Variants in ZNF69 observed in about 807,000 individuals in gnomAD.
ZNF69 encodes the protein ZNF3.
Under a neutral mutation model 50.9 loss-of-function variants are expected in ZNF69, and 47 were observed. The ratio of observed to expected loss-of-function variants is 0.92; its 90% CI spans 0.73 to 1.18. The LOEUF (loss-of-function observed/expected upper bound fraction) is 1.18. Ranked by LOEUF, ZNF69 falls within the 50% of genes most tolerant of loss-of-function variation. The pLI is 0.00. For missense variants in ZNF69, 717 were observed against 675.1 expected (o/e 1.06, Z -0.69); for synonymous variants, 216 against 223.1 (o/e 0.97, Z 0.29).
Position 11,899,424 on chromosome 19 carries a change from G to A in ZNF69, c.64-4149G>A, listed in dbSNP as rs551801758. 5.7e-4 allele frequency among the ~76,000 whole-genome samples: 86 copies of A among 152,040 alleles called. 1 individual carries two copies. Among genetic ancestry groups the A allele is most frequent in the Admixed American group, 2.0e-3 (31 of 15,252 alleles). On this transcript the variant is annotated intron_variant, in intron 1 of 3. Coordinates refer to ENST00000429654, the MANE Select transcript of ZNF69 (RefSeq NM_001364730.1). ...ATTCCACTTGTGAGCCACCATGTCCGGCCACTCATTTTCTTTCATTACTGA... is the reference window on the plus strand; with the variant it reads ...ATTCCACTTGTGAGCCACCATGTCCAGCCACTCATTTTCTTTCATTACTGA...
the ZNF69 span, among the ~76,000 whole-genome samples, chr19:11,923,002 T>C: frequency 1.1e-4 from 16 of 152,040 alleles, no homozygotes; most frequent in Non-Finnish European, 2.1e-4. Flanking sequence ...TTTATGGAGA[T>C]GGGAGTGTCT....
chr19:11,915,848 G>A (rs1972517155), downstream of ZNF69, among the ~76,000 whole-genome samples: 1 of 152,196 alleles, frequency 6.6e-6, no homozygotes, highest in African/African-American at 2.4e-5. Context: ...AGGTTGCAGT[G>A]TGCTGAGATC....
chr19:11,930,497 C>T, the ZNF69 span, among the ~76,000 whole-genome samples: 1 of 148,420 alleles, frequency 6.7e-6, no homozygotes, highest in East Asian at 1.9e-4. Context: ...AATCTATAAT[C>T]AAAATGCATG....
At chr19:11,980,172 G>T in the ZNF69 span, 2 of 618,134 alleles carry the variant, frequency 3.2e-6, no homozygotes, top group Non-Finnish European at 5.5e-6. Flanking sequence ...CTGAGGTCAG[G>T]AGTTCAAGAC....
At chr19:11,979,791 C>A in the ZNF69 span, 120 of 1,577,496 alleles carry the variant, frequency 7.6e-5, no homozygotes, top group African/African-American at 1.1e-3. Context: ...GGAGAGAAAC[C>A]CTATGAGTGT....
chr19:11,937,230 G>C, the ZNF69 span, among the ~76,000 whole-genome samples: 6 of 152,120 alleles, frequency 3.9e-5, no homozygotes, highest in African/African-American at 1.4e-4. Context: ...TTAAGTAAAT[G>C]ATTCATTAGG....
chr19:11,888,788 T>C (rs929269541), intron 1 of ZNF69, among the ~76,000 whole-genome samples: 6 of 151,930 alleles, frequency 3.9e-5, no homozygotes, highest in African/African-American at 1.2e-4. Context: ...GCCAACATGG[T>C]GAAACCCCGT....
chr19:11,945,167 C>T, the ZNF69 span, among the ~76,000 whole-genome samples: 1 of 152,166 alleles, frequency 6.6e-6, no homozygotes, highest in African/African-American at 2.4e-5. Flanking sequence ...ATAAGTTTTT[C>T]CTTTAACTCA....
At chr19:11,918,154 T>C (rs953530351), downstream of ZNF69, among the ~76,000 whole-genome samples, 2 of 152,216 alleles carry the variant, frequency 1.3e-5, no homozygotes, top group Admixed American at 6.6e-5. Flanking sequence ...CACAAAGTTT[T>C]ACACATTGGG....
At chr19:11,941,359 G>A in the ZNF69 span, among the ~76,000 whole-genome samples, 8 of 152,238 alleles carry the variant, frequency 5.3e-5, no homozygotes, top group South Asian at 2.1e-4. Flanking sequence ...GGCGCTCATC[G>A]GGGAGGCTCG....
the ZNF69 span, among the ~76,000 whole-genome samples, chr19:11,951,242 T>G: frequency 3.3e-5 from 5 of 150,994 alleles, no homozygotes; most frequent in Non-Finnish European, 7.4e-5. Context: ...TTTTGTTTTT[T>G]TTTTTTCTGA....
the ZNF69 span, among the ~76,000 whole-genome samples, chr19:11,942,261 C>T: frequency 6.6e-6 from 1 of 151,418 alleles, no homozygotes; most frequent in Non-Finnish European, 1.5e-5. Context: ...TCTTGGCTAG[C>T]TATCTGCCTT....
chr19:11,936,398 T>C, the ZNF69 span, among the ~76,000 whole-genome samples: 1 of 152,224 alleles, frequency 6.6e-6, no homozygotes, highest in Non-Finnish European at 1.5e-5. Context: ...CGTGAGATGG[T>C]ATCTCATTGT....
intron 1 of ZNF69, among the ~76,000 whole-genome samples, 187 bp from the exon 2 acceptor site, chr19:11,903,386 C>T (rs1972288389): frequency 6.6e-6 from 1 of 152,142 alleles, no homozygotes; most frequent in African/African-American, 2.4e-5. Flanking sequence ...CCAGCCTGGG[C>T]AATAAGAGTG....
chr19:11,935,788 G>A, the ZNF69 span, among the ~76,000 whole-genome samples: 5 of 152,080 alleles, frequency 3.3e-5, no homozygotes, highest in African/African-American at 7.2e-5. Context: ...AACATGTGCC[G>A]TGTTGGTTTG....
At chr19:11,929,250 G>A in the ZNF69 span, among the ~76,000 whole-genome samples, 6 of 148,378 alleles carry the variant, frequency 4.0e-5, no homozygotes, top group Non-Finnish European at 7.4e-5. Flanking sequence ...TGCAGCCTCC[G>A]CCTCCTGGGT....
the ZNF69 span, among the ~76,000 whole-genome samples, chr19:11,943,122 T>A: frequency 6.6e-6 from 1 of 152,146 alleles, no homozygotes; most frequent in Non-Finnish European, 1.5e-5. Context: ...TTATTATTAT[T>A]TCTATTATAA....
At chr19:11,960,403 G>C in the ZNF69 span, among the ~76,000 whole-genome samples, 1 of 152,188 alleles carries the variant, frequency 6.6e-6, no homozygotes. Flanking sequence ...GCCCACTGCA[G>C]CATTAAGCTC....
intron 1 of ZNF69, among the ~76,000 whole-genome samples, chr19:11,897,744 C>T (rs394142): frequency 0.76 from 114,078 of 149,454 alleles, 43,602 homozygotes; most frequent in Non-Finnish European, 0.8. Context: ...TGGTGGTGGG[C>T]GCCTGTAGTC....
Sources: allele counts gnomAD v4.1 joint callset (sites outside exome capture counted in the v4.1 genomes callset), GRCh38; gene constraint gnomAD v4.1.1; transcripts MANE v1.5; gene names NCBI Gene and HGNC (gene_info 2026-07-23, HGNC 2026-07-21).